Variants in PCDHA11 observed in about 807,000 individuals in gnomAD.
PCDHA11 encodes the protein protocadherin alpha 11.
In PCDHA11, 61 loss-of-function variants were observed where a neutral mutation model predicts 70.3. That is an observed-to-expected ratio of 0.87 (90% CI 0.71 to 1.07). The LOEUF (loss-of-function observed/expected upper bound fraction) is 1.07, where lower values mean the gene tolerates loss of function less well. Ranked by LOEUF, PCDHA11 falls within the 50% of genes least tolerant of loss-of-function variation. The probability of loss-of-function intolerance (pLI) is 0.00; values close to 1 mark genes in which losing one functional copy is unlikely to be tolerated. For synonymous variants in PCDHA11, 633 were observed against 555.1 expected, an observed-to-expected ratio of 1.14 and a Z score of -1.97; for missense variants, 1,324 against 1,237.5, an observed-to-expected ratio of 1.07 and a Z score of -1.05.
At position 140,876,102 on chromosome 5, in the gene PCDHA11, A is replaced by G. The variant is rs1363448025; in HGVS notation, c.2391+4608A>G. 4 of 1,613,844 alleles carry G rather than the reference A, an allele frequency of 2.5e-6. No individual in the cohort carries two copies. The African/African-American group carries it at 4.0e-5, about 16-fold the overall frequency. ...GAGAGCAAACGCCAAAACTCAATTT[A>G]TTGCTGATGGTAATCGATGGCGGTA... On this transcript the variant is annotated intron_variant, in intron 1 of 3. Coordinates refer to ENST00000398640, the MANE Select transcript of PCDHA11 (RefSeq NM_018902.5).
intron 1 of PCDHA11, among the ~76,000 whole-genome samples, chr5:140,907,278 A>G (rs558447183): frequency 2.6e-5 from 4 of 152,338 alleles, no homozygotes; most frequent in African/African-American, 7.2e-5. Context: ...CCATCATTCT[A>G]TCAATCCAGC....
chr5:140,871,710 C>T (rs1306052156), intron 1 of PCDHA11: 4 of 826,486 alleles, frequency 4.8e-6, no homozygotes, highest in East Asian at 2.8e-5. Flanking sequence ...AATAAATGTC[C>T]TATTTCTCTT....
Position 141,010,175 on chromosome 5 carries a change from A to G in PCDHA11, c.*238A>G. The G allele has an allele frequency of 6.4e-7, 1 of 1,556,224 alleles. No homozygotes were observed. The highest frequency in any genetic ancestry group is 8.7e-7 in the Non-Finnish European group (1 of 1,149,078). On this transcript the variant is annotated 3_prime_UTR_variant, in exon 4 of 4. Coordinates refer to ENST00000398640, the MANE Select transcript of PCDHA11 (RefSeq NM_018902.5). ...TCTGGCTTGTTTTCAGAACCTAAAA[A>G]GCAGACCCAAGTTTCCTTTCTCCTC...
intron 1 of PCDHA11, chr5:140,883,089 A>G (rs1403331305): frequency 1.1e-5 from 17 of 1,614,038 alleles, no homozygotes; most frequent in Non-Finnish European, 1.4e-5. Context: ...GATGGTACAA[A>G]TGGAGATATA....
At chr5:140,884,368 G>T (rs2060127258) in intron 1 of PCDHA11, 1 of 1,613,864 alleles carries the variant, frequency 6.2e-7, no homozygotes, top group Non-Finnish European at 8.5e-7. Context: ...ATGTTTACTT[G>T]ATCATTGCCA....
chr5:140,999,459 T>C (rs2097858774), intron 3 of PCDHA11, among the ~76,000 whole-genome samples: 1 of 152,138 alleles, frequency 6.6e-6, no homozygotes, highest in Non-Finnish European at 1.5e-5. Flanking sequence ...AACGAATAAG[T>C]GGTGAAGCAG....
chr5:140,873,191 C>T (rs1554166611), intron 1 of PCDHA11, among the ~76,000 whole-genome samples: 1 of 151,960 alleles, frequency 6.6e-6, no homozygotes, highest in African/African-American at 2.4e-5. Context: ...TATTCATTGG[C>T]TAAAAACATT....
chr5:140,954,570 T>G (rs2095058412), intron 1 of PCDHA11, among the ~76,000 whole-genome samples: 1 of 152,252 alleles, frequency 6.6e-6, no homozygotes. Context: ...GACTGTCTTC[T>G]TTTCAGAAGT....
Position 140,871,313 on chromosome 5 carries a change from C to T in PCDHA11, c.2210C>T (p.Thr737Met), listed in dbSNP as rs371295919. Residue 737 changes from threonine to methionine, a missense_variant, in exon 1 of 4, where the codon ACG (threonine) becomes ATG (methionine). Coordinates refer to ENST00000398640, the MANE Select transcript of PCDHA11 (RefSeq NM_018902.5). ...GGCGCGTGCGCGCCGGGGAAGCCCA[C>T]GCTGGTGTGCTCCCGCGCGGTGGGG... Reference protein sequence around the residue: ...TEGACAPGKPTLVCSRAVGSW... With the variant: ...TEGACAPGKPMLVCSRAVGSW... 2 of 1,614,042 alleles carry T rather than the reference C, an allele frequency of 1.2e-6. No homozygotes were observed. The highest frequency in any genetic ancestry group is 1.7e-6 in the Non-Finnish European group (2 of 1,180,010).
intron 1 of PCDHA11, among the ~76,000 whole-genome samples, chr5:140,893,566 C>T (rs1283289530): frequency 6.6e-6 from 1 of 152,156 alleles, no homozygotes; most frequent in African/African-American, 2.4e-5. Flanking sequence ...AGTGTACTTC[C>T]TCAGTTTTTG....
At chr5:140,968,776 A>C in intron 1 of PCDHA11, 1 of 1,614,200 alleles carries the variant, frequency 6.2e-7, no homozygotes, top group Non-Finnish European at 8.5e-7. Flanking sequence ...AGCCATCACT[A>C]TCAGCCTCTG....
intron 1 of PCDHA11, among the ~76,000 whole-genome samples, chr5:140,909,670 G>C (rs940080549): frequency 6.6e-6 from 1 of 152,142 alleles, no homozygotes; most frequent in African/African-American, 2.4e-5. Flanking sequence ...CACTCTACCA[G>C]TCAGGGAGCC....
At position 140,990,371 on chromosome 5, in the gene PCDHA11, A is replaced by G. The variant is rs570757505; in HGVS notation, c.2539+7808A>G. Reference sequence around the variant, plus strand: ...CCTGTACAGAAAATCTAATAAAGCAAATTTGTTGGTGATGTTCCAAGAAGG... The same window carrying G: ...CCTGTACAGAAAATCTAATAAAGCAGATTTGTTGGTGATGTTCCAAGAAGG... On this transcript the variant is annotated intron_variant, in intron 3 of 3. Coordinates refer to ENST00000398640, the MANE Select transcript of PCDHA11 (RefSeq NM_018902.5). 7.2e-5 allele frequency among the ~76,000 whole-genome samples: 11 copies of G among 152,154 alleles called. No homozygotes were observed. The East Asian group carries it at 1.9e-3, about 27-fold the overall frequency.
At chr5:140,956,212 C>A (rs246014) in intron 1 of PCDHA11, among the ~76,000 whole-genome samples, 85,603 of 151,956 alleles carry the variant, frequency 0.56, 24,735 homozygotes, top group African/African-American at 0.69. Context: ...AAGAGGGCAT[C>A]CTTGTCTTGT....
chr5:140,871,205 T>C lies in PCDHA11; in HGVS notation c.2102T>C (p.Ile701Thr), dbSNP rs1554165267. The C allele has an allele frequency of 1.9e-6, 3 of 1,613,774 alleles. No homozygotes were observed. The highest frequency in any genetic ancestry group is 3.3e-5 in the Admixed American group (2 of 60,030). ...ALVDVNVYLI[I>T]AICVVSSLLV... ...GTGGATGTCAACGTGTACCTGATCATCGCCATCTGCGTGGTGTCCAGCCTC... is the reference window on the plus strand; with the variant it reads ...GTGGATGTCAACGTGTACCTGATCACCGCCATCTGCGTGGTGTCCAGCCTC... The change falls in exon 1 of 4, where the codon ATC becomes ACC. Residue 701 changes from isoleucine (I) to threonine (T), a missense_variant. Transcript: ENST00000398640.
intron 1 of PCDHA11, chr5:140,884,455 G>A: frequency 2.5e-6 from 4 of 1,613,784 alleles, no homozygotes; most frequent in Non-Finnish European, 3.4e-6. Flanking sequence ...CGCCCACCGA[G>A]GGCGCGTGCG....
intron 1 of PCDHA11, among the ~76,000 whole-genome samples, chr5:140,975,318 C>T (rs1554236746): frequency 6.6e-6 from 1 of 152,198 alleles, no homozygotes; most frequent in Admixed American, 6.5e-5. Flanking sequence ...TTATGTCAGT[C>T]CCATCCAGAT....
At chr5:140,885,685 A>G (rs2060694021) in intron 1 of PCDHA11, among the ~76,000 whole-genome samples, 1 of 152,198 alleles carries the variant, frequency 6.6e-6, no homozygotes, top group African/African-American at 2.4e-5. Flanking sequence ...TATCTCAAGA[A>G]GCAATAGTGG....
At chr5:140,963,244 T>G (rs934081934) in intron 1 of PCDHA11, among the ~76,000 whole-genome samples, 6 of 152,104 alleles carry the variant, frequency 3.9e-5, no homozygotes, top group Admixed American at 3.3e-4. Flanking sequence ...ATGGATTAGG[T>G]AGGTTTTCAT....
Sources: allele counts gnomAD v4.1 joint callset (sites outside exome capture counted in the v4.1 genomes callset), GRCh38; gene constraint gnomAD v4.1.1; transcripts MANE v1.5; gene names NCBI Gene and HGNC (gene_info 2026-07-23, HGNC 2026-07-21).